The following SRRM4 variants were observed in gnomAD, a reference collection of about 807,000 sequenced individuals.
SRRM4 encodes the protein serine/arginine repetitive matrix 4.
Under a neutral mutation model 68.9 loss-of-function variants are expected in SRRM4, and 33 were observed. The ratio of observed to expected loss-of-function variants is 0.48; its 90% CI spans 0.36 to 0.64. The LOEUF is 0.64. SRRM4 is among the 30% of genes least tolerant of loss of function. SRRM4 has a pLI of 0.00. For synonymous variants in SRRM4, 318 were observed against 318.8 expected (o/e 1.00, Z 0.03); for missense variants, 817 against 827.1 (o/e 0.99, Z 0.15).
chr12:119,101,418 A>AG (rs1954077171), intron 1 of SRRM4, among the ~76,000 whole-genome samples: 1 of 152,158 alleles, frequency 6.6e-6, no homozygotes, highest in Non-Finnish European at 1.5e-5. Flanking sequence ...TGGGGGCTGC[A>AG]GGACTGCAGG....
intron 1 of SRRM4, among the ~76,000 whole-genome samples, chr12:119,019,959 C>CA (rs1261694007): frequency 6.3e-5 from 5 of 79,392 alleles, no homozygotes; most frequent in Non-Finnish European, 1.2e-4. Flanking sequence ...TCCCCCCCCC[C>CA]CCAAAAAAAA....
At chr12:119,043,775 T>TACAC (rs58053550) in intron 1 of SRRM4, among the ~76,000 whole-genome samples, 7,014 of 141,704 alleles carry the variant, frequency 0.049, 294 homozygotes, top group African/African-American at 0.12. Context: ...CATACACGCA[T>TACAC]ACACACACAC....
intron 1 of SRRM4, among the ~76,000 whole-genome samples, chr12:119,097,816 A>G (rs1954054792): frequency 6.6e-6 from 1 of 152,180 alleles, no homozygotes; most frequent in Admixed American, 6.5e-5. Context: ...TGTACTTCAG[A>G]TAACTCACGC....
chr12:119,065,426 A>C (rs141683702), intron 1 of SRRM4, among the ~76,000 whole-genome samples: 1 of 152,282 alleles, frequency 6.6e-6, no homozygotes, highest in Non-Finnish European at 1.5e-5. Context: ...TTGACAGCCC[A>C]GAGTAGGAGT....
chr12:119,134,440 G>A lies in SRRM4; in HGVS notation c.771+3606G>A, dbSNP rs558052977. 1.8e-4 allele frequency among the ~76,000 whole-genome samples: 27 copies of A among 151,376 alleles called. No homozygotes were observed. In the South Asian group the frequency reaches 5.7e-3, roughly 32 times the overall value. On this transcript the variant is annotated intron_variant, in intron 8 of 12. Coordinates refer to ENST00000267260, the MANE Select transcript of SRRM4 (RefSeq NM_194286.4). ...AAAACACTCTTCCTGAACTCCAGGG[G>A]CTCACAGTCTAGTAGTCAGAAGAAT... is the stretch of plus-strand genomic sequence containing the variant.
chr12:119,061,741 C>G (rs988565976), intron 1 of SRRM4, among the ~76,000 whole-genome samples: 4 of 152,064 alleles, frequency 2.6e-5, no homozygotes, highest in African/African-American at 9.7e-5. Flanking sequence ...ACCAGAATTT[C>G]TTGGCATTAT....
intron 2 of SRRM4, among the ~76,000 whole-genome samples, chr12:119,107,428 G>A (rs142194912): frequency 0.04 from 6,069 of 152,152 alleles, 137 homozygotes; most frequent in African/African-American, 0.057. Context: ...AGTAGAATTC[G>A]GCTGTGAATC....
chr12:119,146,447 G>A lies in SRRM4; in HGVS notation c.1076+762G>A, dbSNP rs1353482437. Among the ~76,000 whole-genome samples the A allele has an allele frequency of 4.6e-5, 7 of 151,948 alleles. No homozygotes were observed. The South Asian group carries it at 1.2e-3, about 27-fold the overall frequency. On this transcript the variant is annotated intron_variant, in intron 9 of 12. Transcript: ENST00000267260. The stretch of plus-strand genomic sequence containing the variant: ...ACTAGAAATACAAAATTAGCCGGGT[G>A]TGGTGGTACATGCCTGTAATCCCAG...
chr12:119,141,871 A>T (rs1014096666), intron 8 of SRRM4, among the ~76,000 whole-genome samples: 1 of 152,210 alleles, frequency 6.6e-6, no homozygotes, highest in South Asian at 2.1e-4. Flanking sequence ...TGAATTCAAG[A>T]TTCAGTGAAT....
At chr12:119,123,095 T>C (rs1354458504) in intron 6 of SRRM4, among the ~76,000 whole-genome samples, 3 of 152,162 alleles carry the variant, frequency 2.0e-5, no homozygotes, top group Admixed American at 6.5e-5. Flanking sequence ...AAGAAGCTTC[T>C]AAAGAGAGGA....
At position 119,083,106 on chromosome 12, in the gene SRRM4, G is replaced by A. The variant is rs527598536; in HGVS notation, c.132-19130G>A. Reference sequence around the variant, plus strand: ...CAGTTGATCTTTTTTCTGGAGCACAGCCATGTGCTGCAGCCCTTCAGACCC... The same window carrying A: ...CAGTTGATCTTTTTTCTGGAGCACAACCATGTGCTGCAGCCCTTCAGACCC... On this transcript the variant is annotated intron_variant, in intron 1 of 12. Coordinates refer to ENST00000267260, the MANE Select transcript of SRRM4 (RefSeq NM_194286.4). 8.5e-5 allele frequency among the ~76,000 whole-genome samples: 13 copies of A among 152,136 alleles called. 1 individual carries two copies. The highest frequency in any genetic ancestry group is 3.1e-4 in the African/African-American group (13 of 41,534).
intron 1 of SRRM4, among the ~76,000 whole-genome samples, chr12:119,093,126 G>C (rs1248944585): frequency 1.3e-5 from 2 of 152,016 alleles, no homozygotes; most frequent in Non-Finnish European, 2.9e-5. Flanking sequence ...CAAGCCCCTC[G>C]CAGTAGTATT....
At chr12:119,019,141 G>A (rs893103362) in intron 1 of SRRM4, among the ~76,000 whole-genome samples, 1 of 152,204 alleles carries the variant, frequency 6.6e-6, no homozygotes, top group Non-Finnish European at 1.5e-5. Context: ...CTTCCCTGCA[G>A]AGAGGATCTG....
chr12:119,102,177 G>A lies in SRRM4; in HGVS notation c.132-59G>A. The A allele has an allele frequency of 2.7e-6, 4 of 1,473,624 alleles. No homozygotes were observed. In the South Asian group the frequency reaches 5.3e-5, roughly 19 times the overall value. The allele number at this position is 1,473,624 out of a possible 1,614,324, so 91.3% of individuals were successfully genotyped here. A position where few individuals can be genotyped will look rare whatever the true frequency, so the allele number is the denominator to read the frequency against. ...ACTAGTAATTCTATGAATATTTAAT[G>A]AACATTAAGTGTCTCTGTATATTCT... On this transcript the variant is annotated intron_variant, in intron 1 of 12. Coordinates refer to ENST00000267260, the MANE Select transcript of SRRM4 (RefSeq NM_194286.4).
rs1315325031 is a variant in SRRM4, at chr12:119,019,960, C to CAAA, written c.131+37947_131+37948insAAA. Among the ~76,000 whole-genome samples, 242 of 78,038 alleles carry CAAA rather than the reference C, an allele frequency of 3.1e-3. 6 individuals are homozygous for CAAA. Among genetic ancestry groups the CAAA allele is most frequent in the African/African-American group, 7.6e-3 (180 of 23,826 alleles). The allele number at this position is 78,038 out of a possible 152,430, so 51.2% of individuals were successfully genotyped here. A position where few individuals can be genotyped will look rare whatever the true frequency, so the allele number is the denominator to read the frequency against. ...ACAGTTCCCCCCGCTCCCCCCCCCCCCAAAAAAAAATCACACACATGCAAC... is the reference window on the plus strand; with the variant it reads ...ACAGTTCCCCCCGCTCCCCCCCCCCCAAACAAAAAAAAATCACACACATGCAAC... On this transcript the variant is annotated intron_variant, in intron 1 of 12. Coordinates refer to ENST00000267260, the MANE Select transcript of SRRM4 (RefSeq NM_194286.4).
At chr12:118,996,436 T>C (rs894950908) in intron 1 of SRRM4, among the ~76,000 whole-genome samples, 1 of 152,218 alleles carries the variant, frequency 6.6e-6, no homozygotes, top group Non-Finnish European at 1.5e-5. Context: ...TTCTCTATTC[T>C]CAAGTTGCTT....
At chr12:119,022,209 AAAAG>A (rs1425491040) in intron 1 of SRRM4, among the ~76,000 whole-genome samples, 5 of 152,192 alleles carry the variant, frequency 3.3e-5, no homozygotes, top group Non-Finnish European at 7.3e-5. Flanking sequence ...AAATTTAAAA[AAAAG>A]AAAGAGGAGA....
At chr12:119,132,059 C>G (rs756749277) in intron 8 of SRRM4, among the ~76,000 whole-genome samples, 1 of 152,134 alleles carries the variant, frequency 6.6e-6, no homozygotes, top group Non-Finnish European at 1.5e-5. Context: ...CCAGCATAAC[C>G]AAGGTCTAAT....
intron 1 of SRRM4, among the ~76,000 whole-genome samples, chr12:119,082,597 C>T (rs993595676): frequency 2.0e-4 from 30 of 152,204 alleles, no homozygotes; most frequent in African/African-American, 6.5e-4. Context: ...TTCAGCCCCG[C>T]GGGCGCTGTG....
Sources: gnomAD v4.1 joint callset for allele counts (sites outside exome capture counted in the v4.1 genomes callset) on GRCh38, gnomAD v4.1.1 for gene constraint, MANE v1.5 for transcripts, NCBI Gene and HGNC (gene_info 2026-07-23, HGNC 2026-07-21) for gene names.